The following DNAJB6 variants were observed in gnomAD, a reference collection of about 807,000 sequenced individuals.
DNAJB6 encodes DnaJ heat shock protein family (Hsp40) member B6.
DNAJB6 carries 16 observed loss-of-function variants against 42.7 expected under a neutral mutation model. That is an observed-to-expected ratio of 0.37 (90% CI 0.25 to 0.57). The LOEUF (loss-of-function observed/expected upper bound fraction) is 0.57. DNAJB6 is among the 20% of genes least tolerant of loss of function. DNAJB6 has a pLI of 0.74. For synonymous variants in DNAJB6, 170 were observed against 163.5 expected, an observed-to-expected ratio of 1.04 and a Z score of -0.30; for missense variants, 347 against 416.8, an observed-to-expected ratio of 0.83 and a Z score of 1.46.
chr7:157,400,252 C>T (rs367606902), intron 8 of DNAJB6, among the ~76,000 whole-genome samples: 1 of 42,092 alleles, frequency 2.4e-5, no homozygotes, highest in African/African-American at 1.7e-4. Context: ...GTGCTCGCGT[C>T]TAGGGAGTTC....
chr7:157,363,349 T>C lies in DNAJB6; in HGVS notation c.175+79T>C, dbSNP rs10264371. 0.076 allele frequency: 67,549 copies of C among 887,518 alleles called. 5,190 individuals carry two copies. The highest frequency in any genetic ancestry group is 0.34 in the African/African-American group (20,768 of 60,356). 55.0% of individuals were successfully genotyped at this position (887,518 alleles called of 1,614,324 possible). ...GTGGGTGTTGGGATCCTCCTCAGGGTAGCACAGTATGGACTCAAGTGACTT... is the reference window on the plus strand; with the variant it reads ...GTGGGTGTTGGGATCCTCCTCAGGGCAGCACAGTATGGACTCAAGTGACTT... On this transcript the variant is annotated intron_variant, in intron 3 of 9. Transcript: ENST00000262177.
chr7:157,406,180 G>A (rs1039381060), intron 8 of DNAJB6, among the ~76,000 whole-genome samples: 2 of 152,244 alleles, frequency 1.3e-5, no homozygotes, highest in African/African-American at 2.4e-5. Flanking sequence ...TGAGGCGGCC[G>A]CTCCCTGTCC....
intron 1 of DNAJB6, among the ~76,000 whole-genome samples, chr7:157,341,515 A>G (rs1798379515): frequency 6.6e-6 from 1 of 151,940 alleles, no homozygotes; most frequent in Admixed American, 6.6e-5. Context: ...CCCCTTTGAT[A>G]TTTTTCTACT....
At chr7:157,369,964 GC>G (rs1166577800) in intron 5 of DNAJB6, among the ~76,000 whole-genome samples, 1 of 145,840 alleles carries the variant, frequency 6.9e-6, no homozygotes, top group African/African-American at 2.6e-5. Flanking sequence ...TATTAAACGG[GC>G]CCTTTCTTAA....
intron 8 of DNAJB6, among the ~76,000 whole-genome samples, chr7:157,409,535 A>G (rs1795894391): frequency 6.6e-6 from 1 of 152,248 alleles, no homozygotes; most frequent in Non-Finnish European, 1.5e-5. Flanking sequence ...ACTGTGCCAA[A>G]GCTGGTGGGG....
intron 5 of DNAJB6, chr7:157,379,087 C>A (rs765103969): frequency 1.3e-5 from 2 of 151,978 alleles, no homozygotes; most frequent in Non-Finnish European, 2.9e-5. Context: ...TTTTTTCATA[C>A]AAGAAAATGG....
chr7:157,339,458 C>T (rs898623792), intron 1 of DNAJB6, among the ~76,000 whole-genome samples: 1 of 151,608 alleles, frequency 6.6e-6, no homozygotes, highest in African/African-American at 2.4e-5. Flanking sequence ...CCACCACAGC[C>T]GGCTAATTTT....
At chr7:157,358,490 A>G in intron 1 of DNAJB6, 57 bp from the exon 2 acceptor site, 1 of 1,138,814 alleles carries the variant, frequency 8.8e-7, no homozygotes, top group Non-Finnish European at 1.3e-6. Flanking sequence ...CCATCCCACC[A>G]CCGTGATTTG....
intron 1 of DNAJB6, among the ~76,000 whole-genome samples, chr7:157,355,738 T>C (rs1323893166): frequency 1.3e-5 from 2 of 152,216 alleles, no homozygotes; most frequent in Admixed American, 6.5e-5. Context: ...GCTCTCATAC[T>C]GCCTTTATGC....
At chr7:157,409,753 C>A (rs890392016) in intron 8 of DNAJB6, 42 bp from the exon 9 acceptor site, 2 of 1,485,270 alleles carry the variant, frequency 1.3e-6, no homozygotes, top group Middle Eastern at 4.8e-4. Flanking sequence ...GGCCGGCCGC[C>A]GCCGCTCACT....
At chr7:157,359,582 G>A (rs532444055) in intron 2 of DNAJB6, among the ~76,000 whole-genome samples, 4 of 152,174 alleles carry the variant, frequency 2.6e-5, no homozygotes, top group South Asian at 2.1e-4. Flanking sequence ...CTAGCACTTC[G>A]AGAGGCCTAG....
chr7:157,404,466 CTTTTTTTT>C (rs55793060), intron 8 of DNAJB6, among the ~76,000 whole-genome samples: 34 of 103,188 alleles, frequency 3.3e-4, no homozygotes, highest in African/African-American at 1.1e-3. Context: ...TAATTTTTGT[CTTTTTTTT>C]TTTTTTTTTT....
At chr7:157,350,397 G>A (rs1418282462) in intron 1 of DNAJB6, among the ~76,000 whole-genome samples, 1 of 152,156 alleles carries the variant, frequency 6.6e-6, no homozygotes, top group Non-Finnish European at 1.5e-5. Flanking sequence ...AACCTGTATC[G>A]CATAATTTGA....
At chr7:157,413,628 C>T (rs1039872923) in intron 9 of DNAJB6, 4 of 151,906 alleles carry the variant, frequency 2.6e-5, no homozygotes, top group Non-Finnish European at 4.4e-5. Flanking sequence ...TCCCAGAGCC[C>T]GCGAGCCGGT....
At chr7:157,394,067 A>C (rs1336152888) in intron 8 of DNAJB6, among the ~76,000 whole-genome samples, 1 of 152,144 alleles carries the variant, frequency 6.6e-6, no homozygotes, top group Non-Finnish European at 1.5e-5. Context: ...TCTTATTATT[A>C]TCCTGAGTTT....
intron 5 of DNAJB6, 115 bp from the exon 6 acceptor site, chr7:157,382,131 A>G: frequency 4.2e-6 from 5 of 1,195,828 alleles, no homozygotes; most frequent in Non-Finnish European, 5.6e-6. Flanking sequence ...AAAACCTCTT[A>G]AGTTTTTTGT....
At chr7:157,364,897 T>C (rs1799770922) in intron 3 of DNAJB6, among the ~76,000 whole-genome samples, 1 of 152,218 alleles carries the variant, frequency 6.6e-6, no homozygotes, top group Non-Finnish European at 1.5e-5. Context: ...TGAAACTGCT[T>C]GCAAGTGGTT....
At chr7:157,385,689 A>T (rs775975486) in intron 8 of DNAJB6, 78 bp downstream of exon 8, 54 of 1,591,682 alleles carry the variant, frequency 3.4e-5, no homozygotes, top group Non-Finnish European at 4.2e-5. Flanking sequence ...TATAACAAGC[A>T]CCATTTGAGG....
intron 9 of DNAJB6, chr7:157,412,221 G>A (rs1364089298): frequency 6.6e-6 from 1 of 152,244 alleles, no homozygotes; most frequent in Non-Finnish European, 1.5e-5. Context: ...GAACTGGAGT[G>A]AAATTGCAAA....
Sources: gnomAD v4.1 joint callset for allele counts (sites outside exome capture counted in the v4.1 genomes callset) on GRCh38, gnomAD v4.1.1 for gene constraint, MANE v1.5 for transcripts, NCBI Gene and HGNC (gene_info 2026-07-23, HGNC 2026-07-21) for gene names.